Variants in ZFAT observed in about 807,000 individuals in gnomAD.
ZFAT encodes zinc finger protein ZFAT.
A neutral mutation model predicts 117.7 loss-of-function variants in ZFAT; 64 were observed. That is an observed-to-expected ratio of 0.54 (90% CI 0.44 to 0.67). The LOEUF is 0.67. ZFAT is among the 30% of genes least tolerant of loss of function. The probability of loss-of-function intolerance (pLI) is 0.00; values close to 1 mark genes in which losing one functional copy is unlikely to be tolerated. For missense variants in ZFAT, 1,433 were observed against 1,584.5 expected (o/e 0.90, Z 1.62); for synonymous variants, 679 against 615.0 (o/e 1.10, Z -1.54).
the ZFAT span, among the ~76,000 whole-genome samples, chr8:134,727,920 C>T: frequency 2.0e-5 from 3 of 152,124 alleles, no homozygotes; most frequent in Non-Finnish European, 4.4e-5. Context: ...TGATAAATAT[C>T]ATTATCAAAA....
chr8:134,625,128 C>T (rs940202038), intron 3 of ZFAT, among the ~76,000 whole-genome samples: 1 of 152,210 alleles, frequency 6.6e-6, no homozygotes, highest in Admixed American at 6.5e-5. Flanking sequence ...TCTTCCTCGC[C>T]CTCTTCCCTT....
chr8:134,824,704 C>A, the ZFAT span, among the ~76,000 whole-genome samples: 1 of 152,144 alleles, frequency 6.6e-6, no homozygotes. Context: ...CAGAAGTAGT[C>A]ATATACAGAA....
chr8:134,822,744 A>C, the ZFAT span, among the ~76,000 whole-genome samples: 1 of 152,138 alleles, frequency 6.6e-6, no homozygotes, highest in Non-Finnish European at 1.5e-5. Context: ...TGTGTACTAC[A>C]TGTGCATATT....
At chr8:134,733,669 G>A in the ZFAT span, among the ~76,000 whole-genome samples, 1 of 152,340 alleles carries the variant, frequency 6.6e-6, no homozygotes, top group East Asian at 1.9e-4. Context: ...CTTGCAGGTG[G>A]AGGCAGTGCT....
intron 11 of ZFAT, among the ~76,000 whole-genome samples, chr8:134,563,157 G>A (rs1426027598): frequency 2.6e-5 from 4 of 152,170 alleles, no homozygotes; most frequent in Non-Finnish European, 4.4e-5. Context: ...TATGCATAAC[G>A]CTAAAGACGC....
chr8:134,685,181 C>T (rs753599718), intron 1 of ZFAT, among the ~76,000 whole-genome samples: 8 of 152,158 alleles, frequency 5.3e-5, no homozygotes, highest in African/African-American at 9.7e-5. Context: ...CCGTCACCAT[C>T]CCCTTTTTAC....
chr8:134,601,934 A>G lies in ZFAT; in HGVS notation c.1785T>C (p.Asp595=), dbSNP rs1827503998. Residue 595 remains aspartate, a synonymous_variant, in exon 6 of 16, where the codon GAT becomes GAC. Transcript: ENST00000377838. The stretch of plus-strand genomic sequence containing the variant: ...AGGTATCATTTTTCAACAAAAAATC[A>G]TCTGAAACCACCTCTTGAGAATGCA... The part of the protein sequence containing the change: ...SDLHSQEVVS[D]DFLLKNDTSS... The G allele has an allele frequency of 1.9e-6, 3 of 1,614,124 alleles. No individual in the cohort carries two copies. Among genetic ancestry groups the G allele is most frequent in the Non-Finnish European group, 2.5e-6 (3 of 1,180,020 alleles).
the ZFAT span, chr8:134,793,792 A>G: frequency 1.3e-5 from 2 of 152,154 alleles, no homozygotes; most frequent in Non-Finnish European, 2.9e-5. Context: ...AATCCTCATT[A>G]CAATTTAAGA....
chr8:134,785,823 T>C, the ZFAT span: 10 of 152,274 alleles, frequency 6.6e-5, 1 homozygote, highest in African/African-American at 2.4e-4. Context: ...TCAGGTTAGG[T>C]TGATTAAATT....
chr8:134,529,437 A>G (rs758513172), intron 12 of ZFAT, among the ~76,000 whole-genome samples: 1 of 152,246 alleles, frequency 6.6e-6, no homozygotes, highest in Non-Finnish European at 1.5e-5. Context: ...TGAAACGTGC[A>G]TTTGTGTGGG....
In ZFAT at chr8:134,657,650, A is replaced by T; in HGVS notation, c.107T>A (p.Met36Lys). 1 of 1,614,088 alleles carries T rather than the reference A, an allele frequency of 6.2e-7. No homozygotes were observed. The highest frequency in any genetic ancestry group is 1.1e-5 in the South Asian group (1 of 91,082). ...CTCATCAACATTAACCCCTTCTTCC[A>T]TGTGCTTCTCTGAAACGTGGGAGAG... ...ELLSHVSEKH[M>K]EEGVNVDEII... Residue 36 changes from methionine to lysine, a missense_variant, in exon 2 of 16, where the codon ATG (methionine) becomes AAG (lysine). Transcript: ENST00000377838.
At chr8:134,491,201 C>A (rs1489098068) in intron 15 of ZFAT, among the ~76,000 whole-genome samples, 2 of 152,206 alleles carry the variant, frequency 1.3e-5, no homozygotes, top group East Asian at 3.9e-4. Flanking sequence ...GTGCTGCATT[C>A]TTCTAGAAAT....
At chr8:134,819,796 T>C in the ZFAT span, among the ~76,000 whole-genome samples, 2 of 152,132 alleles carry the variant, frequency 1.3e-5, no homozygotes, top group African/African-American at 4.8e-5. Context: ...ATTTTACATG[T>C]AATTATTTCA....
chr8:134,701,431 C>T (rs902594992), intron 1 of ZFAT, among the ~76,000 whole-genome samples: 1 of 152,130 alleles, frequency 6.6e-6, no homozygotes, highest in Non-Finnish European at 1.5e-5. Context: ...TTAGTTTGTT[C>T]CCAAGTTTTA....
the ZFAT span, among the ~76,000 whole-genome samples, chr8:134,760,236 C>T: frequency 6.7e-6 from 1 of 150,022 alleles, no homozygotes; most frequent in Non-Finnish European, 1.5e-5. Flanking sequence ...CCACTGCACT[C>T]CAGCCTGGGC....
intron 11 of ZFAT, among the ~76,000 whole-genome samples, chr8:134,558,629 C>A (rs758282400): frequency 5.3e-5 from 8 of 152,116 alleles, no homozygotes; most frequent in South Asian, 2.1e-4. Context: ...GTAATCTCAT[C>A]GAAAAGTATA....
chr8:134,512,727 C>G, intron 13 of ZFAT, 126 bp from the exon 14 acceptor site: 1 of 1,225,718 alleles, frequency 8.2e-7, no homozygotes. Context: ...ATCTCATTTA[C>G]CTGGCACCCC....
chr8:134,639,763 CA>C, intron 2 of ZFAT: 1 of 456,292 alleles, frequency 2.2e-6, no homozygotes, highest in Non-Finnish European at 4.4e-6. Flanking sequence ...AGAGAGGCTA[CA>C]AAACACCCAC....
At chr8:134,729,597 C>A in the ZFAT span, among the ~76,000 whole-genome samples, 1 of 152,164 alleles carries the variant, frequency 6.6e-6, no homozygotes, top group Admixed American at 6.5e-5. Flanking sequence ...CCTCACCTCA[C>A]CATTCTACCA....
Sources: allele counts gnomAD v4.1 joint callset (sites outside exome capture counted in the v4.1 genomes callset), GRCh38; gene constraint gnomAD v4.1.1; transcripts MANE v1.5; gene names NCBI Gene and HGNC (gene_info 2026-07-23, HGNC 2026-07-21).